LGALS9B: variants seen among roughly 807,000 people sequenced by gnomAD.
The protein encoded by LGALS9B is galectin 9B, also known as galectin-9B.
LGALS9B carries 8 observed loss-of-function variants against 35.9 expected under a neutral mutation model. The observed-to-expected ratio is 0.22, with a 90% CI of 0.13 to 0.40. The LOEUF is 0.40. LGALS9B is among the 10% of genes least tolerant of loss of function. LGALS9B has a pLI of 1.00. For missense variants in LGALS9B, 101 were observed against 397.9 expected (o/e 0.25, Z 6.35); for synonymous variants, 42 against 148.6 (o/e 0.28, Z 5.22).
At chr17:20,456,694 TC>T in intron 3 of LGALS9B, 23 bp from the exon 4 acceptor site, 1 of 417,922 alleles carries the variant, frequency 2.4e-6, no homozygotes, top group East Asian at 5.9e-5. Context: ...AGCACGTATT[TC>T]GGGGGAGGTG....
chr17:20,465,622 C>T (rs1367447361), intron 1 of LGALS9B, among the ~76,000 whole-genome samples: 1 of 78,702 alleles, frequency 1.3e-5, no homozygotes, highest in Non-Finnish European at 2.5e-5. Flanking sequence ...AAGCTCGGAA[C>T]GTCCTTATTC....
chr17:20,467,273 C>T (rs545522380), intron 1 of LGALS9B, among the ~76,000 whole-genome samples, 159 bp downstream of exon 1: 7 of 148,016 alleles, frequency 4.7e-5, no homozygotes, highest in Non-Finnish European at 8.9e-5. Context: ...CATGGCACAG[C>T]TGTGCCAGGA....
chr17:20,452,118 G>A, intron 8 of LGALS9B: 1 of 464,838 alleles, frequency 2.2e-6, no homozygotes, highest in Non-Finnish European at 4.0e-6. Flanking sequence ...AGACTCGTGG[G>A]GTGAAAAGGG....
intron 1 of LGALS9B, among the ~76,000 whole-genome samples, chr17:20,465,784 C>T (rs1360686017): frequency 2.3e-5 from 3 of 128,594 alleles, no homozygotes; most frequent in Non-Finnish European, 3.3e-5. Context: ...CTCAGCAGGA[C>T]AGTGAACCGC....
chr17:20,464,402 A>G (rs1381898790), intron 1 of LGALS9B, among the ~76,000 whole-genome samples: 2 of 148,970 alleles, frequency 1.3e-5, no homozygotes, highest in Non-Finnish European at 3.0e-5. Context: ...CACCCAGACA[A>G]AGCTGCTGGT....
In LGALS9B at chr17:20,449,796, T is replaced by C. The variant is rs528912756; in HGVS notation, c.*177A>G. ...GCTGAGGAAGACAATCCCAGTCAGC[T>C]GCCTTCTCAATTCCAGGGTGGCTGT... On this transcript the variant is annotated 3_prime_UTR_variant, in exon 11 of 11. Transcript: ENST00000423676. 5.0e-5 allele frequency: 24 copies of C among 483,066 alleles called. 6 individuals carry two copies. In the East Asian group the frequency reaches 6.0e-4, roughly 12 times the overall value. 29.9% of individuals were successfully genotyped at this position (483,066 alleles called of 1,614,324 possible).
At chr17:20,450,401 G>A (rs2042639088) in intron 10 of LGALS9B, among the ~76,000 whole-genome samples, 1 of 123,560 alleles carries the variant, frequency 8.1e-6, no homozygotes, top group African/African-American at 2.9e-5. Flanking sequence ...TCTGGGCCTG[G>A]GCTCCTGCAG....
At chr17:20,451,337 CAAT>C (rs2042646900) in intron 10 of LGALS9B, 141 bp downstream of exon 10, 1 of 414,880 alleles carries the variant, frequency 2.4e-6, no homozygotes, top group South Asian at 2.4e-5. Context: ...ATAATAATGA[CAAT>C]AATTTTTTGG....
At chr17:20,461,190 G>T (rs1416149687) in intron 1 of LGALS9B, among the ~76,000 whole-genome samples, 3 of 151,352 alleles carry the variant, frequency 2.0e-5, no homozygotes, top group African/African-American at 7.3e-5. Flanking sequence ...GCATCGTTTT[G>T]GAGTCAGGCG....
At chr17:20,456,390 A>G (rs1185044566) in intron 4 of LGALS9B, among the ~76,000 whole-genome samples, 171 bp downstream of exon 4, 1 of 95,410 alleles carries the variant, frequency 1.0e-5, no homozygotes. Context: ...CCAGACAGAG[A>G]CAGTGACACA....
intron 1 of LGALS9B, among the ~76,000 whole-genome samples, 189 bp from the exon 2 acceptor site, chr17:20,460,632 A>G (rs372147644): frequency 0.032 from 3,786 of 118,320 alleles, no homozygotes; most frequent in Middle Eastern, 0.08. Flanking sequence ...CACAAATCCA[A>G]TTAGTTACTC....
chr17:20,454,678 C>A (rs370753690), intron 5 of LGALS9B, among the ~76,000 whole-genome samples: 20,313 of 138,362 alleles, frequency 0.15, no homozygotes, highest in African/African-American at 0.3. Context: ...CCCAGAGGAG[C>A]GACACTTTGG....
At chr17:20,461,144 G>GC (rs1286125313) in intron 1 of LGALS9B, among the ~76,000 whole-genome samples, 1 of 149,904 alleles carries the variant, frequency 6.7e-6, no homozygotes, top group African/African-American at 2.5e-5. Context: ...TCTCTTCCGC[G>GC]CCTCTTTAAA....
chr17:20,450,805 C>T (rs1438126531), intron 10 of LGALS9B, among the ~76,000 whole-genome samples: 3 of 149,480 alleles, frequency 2.0e-5, no homozygotes, highest in Non-Finnish European at 4.5e-5. Context: ...CCAGGCTGAC[C>T]GCCTCATTGG....
intron 5 of LGALS9B, among the ~76,000 whole-genome samples, chr17:20,455,076 G>A (rs1424104825): frequency 3.6e-5 from 4 of 110,730 alleles, no homozygotes; most frequent in Admixed American, 2.0e-4. Flanking sequence ...GCTTTGGGAG[G>A]GAGATATGTT....
chr17:20,465,816 C>A (rs1175717014), intron 1 of LGALS9B, among the ~76,000 whole-genome samples: 2 of 146,752 alleles, frequency 1.4e-5, no homozygotes, highest in Non-Finnish European at 3.0e-5. Flanking sequence ...CCACTGTCGG[C>A]ATGTGGAGAA....
chr17:20,464,784 G>A (rs1194563235), intron 1 of LGALS9B, among the ~76,000 whole-genome samples: 1 of 151,848 alleles, frequency 6.6e-6, no homozygotes, highest in Non-Finnish European at 1.5e-5. Flanking sequence ...TGACCTGCCT[G>A]TGCCCCACTT....
intron 1 of LGALS9B, among the ~76,000 whole-genome samples, chr17:20,460,977 C>G (rs1471042509): frequency 6.7e-5 from 7 of 104,726 alleles, no homozygotes; most frequent in Non-Finnish European, 1.1e-4. Flanking sequence ...AGGCATGCAC[C>G]TCTCCCCACC....
chr17:20,454,971 A>T (rs2042676556), intron 5 of LGALS9B, among the ~76,000 whole-genome samples: 1 of 146,750 alleles, frequency 6.8e-6, no homozygotes, highest in Non-Finnish European at 1.5e-5. Context: ...TTTGCTTATA[A>T]GAAGGTCACT....
Sources: allele counts gnomAD v4.1 joint callset (sites outside exome capture counted in the v4.1 genomes callset), GRCh38; gene constraint gnomAD v4.1.1; transcripts MANE v1.5; gene names NCBI Gene and HGNC (gene_info 2026-07-23, HGNC 2026-07-21).